HPSE2: variants seen among roughly 807,000 people sequenced by gnomAD.
HPSE2 encodes the protein inactive heparanase-2.
HPSE2 carries 38 observed loss-of-function variants against 60.5 expected under a neutral mutation model. That is an observed-to-expected ratio of 0.63 (90% CI 0.48 to 0.82). HPSE2 has a LOEUF of 0.82. Among genes scored for constraint, HPSE2 ranks in the 40% least tolerant of loss-of-function variants. HPSE2 has a pLI of 0.00. For synonymous variants in HPSE2, 295 were observed against 293.2 expected (o/e 1.01, Z -0.06); for missense variants, 713 against 740.4 (o/e 0.96, Z 0.43).
At chr10:98,611,865 C>T (rs1945771206) in intron 9 of HPSE2, among the ~76,000 whole-genome samples, 1 of 152,220 alleles carries the variant, frequency 6.6e-6, no homozygotes. Flanking sequence ...CTGCCCAGAT[C>T]ATTTGAGTCT....
At chr10:98,905,529 C>A (rs779372339) in intron 3 of HPSE2, among the ~76,000 whole-genome samples, 3 of 152,096 alleles carry the variant, frequency 2.0e-5, no homozygotes, top group Admixed American at 1.3e-4. Flanking sequence ...AAAATACTTA[C>A]ATGTTCAGGA....
At chr10:98,527,624 AT>A (rs1943009876) in intron 9 of HPSE2, among the ~76,000 whole-genome samples, 1 of 151,792 alleles carries the variant, frequency 6.6e-6, no homozygotes, top group African/African-American at 2.4e-5. Flanking sequence ...CCCTTATTAT[AT>A]TTTCCACAAT....
intron 6 of HPSE2, among the ~76,000 whole-genome samples, chr10:98,642,253 T>C (rs1225671438): frequency 1.3e-5 from 2 of 152,170 alleles, no homozygotes; most frequent in Non-Finnish European, 2.9e-5. Flanking sequence ...TACTTTTTTT[T>C]CCCCTTGAGA....
intron 3 of HPSE2, among the ~76,000 whole-genome samples, chr10:98,788,900 G>A (rs922440061): frequency 1.1e-4 from 16 of 151,966 alleles, no homozygotes; most frequent in Non-Finnish European, 1.8e-4. Flanking sequence ...GAAATCACCC[G>A]TCTTCTGCGT....
chr10:98,484,124 TTGCCA>T (rs1454613226), intron 10 of HPSE2, among the ~76,000 whole-genome samples: 1 of 152,224 alleles, frequency 6.6e-6, no homozygotes, highest in Non-Finnish European at 1.5e-5. Context: ...ATTTTTTCAT[TTGCCA>T]TTTCATTTCT....
At chr10:98,620,400 G>A (rs1395581060) in intron 8 of HPSE2, among the ~76,000 whole-genome samples, 1 of 152,168 alleles carries the variant, frequency 6.6e-6, no homozygotes, top group Non-Finnish European at 1.5e-5. Context: ...TCTTTGCTCT[G>A]ATGCCTGTGC....
intron 3 of HPSE2, among the ~76,000 whole-genome samples, chr10:99,077,160 C>T (rs1244431025): frequency 6.6e-6 from 1 of 152,106 alleles, no homozygotes; most frequent in African/African-American, 2.4e-5. Flanking sequence ...TGATTTTTGA[C>T]AATTTGACTA....
chr10:98,866,084 C>T (rs1315366928), intron 3 of HPSE2, among the ~76,000 whole-genome samples: 1 of 151,938 alleles, frequency 6.6e-6, no homozygotes, highest in Non-Finnish European at 1.5e-5. Context: ...ATCAATTAAT[C>T]CAAAACAACT....
At chr10:98,749,663 TTCAATA>T (rs1284580494) in intron 3 of HPSE2, among the ~76,000 whole-genome samples, 18 of 150,964 alleles carry the variant, frequency 1.2e-4, no homozygotes, top group African/African-American at 4.4e-4. Context: ...CAGTATAGTA[TTCAATA>T]AATTACTTGA....
chr10:98,937,855 A>T (rs1458035219), intron 3 of HPSE2, among the ~76,000 whole-genome samples: 2 of 143,078 alleles, frequency 1.4e-5, no homozygotes, highest in Non-Finnish European at 3.0e-5. Flanking sequence ...GGGCAGACTG[A>T]CACCTCACAT....
chr10:99,240,889 A>G, the HPSE2 span, among the ~76,000 whole-genome samples: 1 of 152,150 alleles, frequency 6.6e-6, no homozygotes, highest in African/African-American at 2.4e-5. Context: ...AGAAATTTTA[A>G]AAAATGCTTT....
intron 3 of HPSE2, among the ~76,000 whole-genome samples, chr10:99,004,751 T>C (rs966595196): frequency 6.6e-6 from 1 of 152,198 alleles, no homozygotes; most frequent in Admixed American, 6.5e-5. Flanking sequence ...TATACCTTCA[T>C]AAGTTTTTGT....
At chr10:98,800,510 TAATAA>T (rs1950881633) in intron 3 of HPSE2, among the ~76,000 whole-genome samples, 1 of 148,422 alleles carries the variant, frequency 6.7e-6, no homozygotes. Context: ...ATAACATATA[TAATAA>T]AATAAAATCA....
At chr10:98,821,238 A>G (rs1011486222) in intron 3 of HPSE2, among the ~76,000 whole-genome samples, 5 of 152,180 alleles carry the variant, frequency 3.3e-5, no homozygotes, top group African/African-American at 1.2e-4. Context: ...ATTGTTGGGT[A>G]ATTTCATCAT....
chr10:99,076,679 T>C (rs144717565), intron 3 of HPSE2, among the ~76,000 whole-genome samples: 231 of 152,322 alleles, frequency 1.5e-3, no homozygotes, highest in African/African-American at 5.3e-3. Flanking sequence ...TGAGCCTCCA[T>C]GCCTGACTCT....
At chr10:98,837,270 G>C (rs1249207107) in intron 3 of HPSE2, among the ~76,000 whole-genome samples, 1 of 152,160 alleles carries the variant, frequency 6.6e-6, no homozygotes, top group Non-Finnish European at 1.5e-5. Flanking sequence ...ATTATTTTTA[G>C]TTAGTGGTGA....
intron 3 of HPSE2, among the ~76,000 whole-genome samples, chr10:98,785,541 T>A (rs1950551101): frequency 1.2e-5 from 1 of 80,292 alleles, no homozygotes; most frequent in South Asian, 6.1e-4. Context: ...CTTGTACCTC[T>A]GGTAGAATTC....
intron 3 of HPSE2, among the ~76,000 whole-genome samples, chr10:98,992,504 C>T (rs1354507158): frequency 1.3e-5 from 2 of 152,132 alleles, no homozygotes; most frequent in African/African-American, 4.8e-5. Flanking sequence ...CACAGCTCAG[C>T]CTCTGTGTTG....
chr10:98,736,054 C>G (rs1949348929), intron 4 of HPSE2, among the ~76,000 whole-genome samples: 1 of 152,118 alleles, frequency 6.6e-6, no homozygotes, highest in Non-Finnish European at 1.5e-5. Flanking sequence ...CCACTCAAAT[C>G]TCATCTTAAT....
Sources: gnomAD v4.1 joint callset for allele counts (sites outside exome capture counted in the v4.1 genomes callset) on GRCh38, gnomAD v4.1.1 for gene constraint, MANE v1.5 for transcripts, NCBI Gene and HGNC (gene_info 2026-07-23, HGNC 2026-07-21) for gene names.